DNM2: variants seen among roughly 807,000 people sequenced by gnomAD.
DNM2 encodes the protein dynamin 2.
Under a neutral mutation model 99.0 loss-of-function variants are expected in DNM2, and 15 were observed. That is an observed-to-expected ratio of 0.15 (90% confidence interval 0.10 to 0.23). The LOEUF (loss-of-function observed/expected upper bound fraction) is 0.23. DNM2 is among the 10% of genes least tolerant of loss of function. The pLI is 1.00. For synonymous variants in DNM2, 525 were observed against 481.2 expected, an observed-to-expected ratio of 1.09 and a Z score of -1.19; for missense variants, 742 against 1,189.4, an observed-to-expected ratio of 0.62 and a Z score of 5.53.
chr19:10,786,334 C>T lies in DNM2; in HGVS notation c.850-230C>T, dbSNP rs572821566. 945 of 657,952 alleles carry T rather than the reference C, an allele frequency of 1.4e-3. 1 individual carries two copies. The highest frequency in any genetic ancestry group is 2.0e-3 in the Non-Finnish European group (765 of 379,598). 40.8% of individuals were successfully genotyped at this position (657,952 alleles called of 1,614,324 possible). A position where few individuals can be genotyped will look rare whatever the true frequency, so the allele number is the denominator to read the frequency against. On this transcript the variant is annotated intron_variant, in intron 6 of 20. Coordinates refer to ENST00000389253, the MANE Select transcript of DNM2 (RefSeq NM_001005361.3). ...TAGGCCCAGTGCCTGATGTCGGCCC[C>T]GTGGGCTGTTTGTAGCCTCTTACAC... is the stretch of plus-strand genomic sequence containing the variant.
At chr19:10,741,987 C>G (rs534800949) in intron 1 of DNM2, among the ~76,000 whole-genome samples, 16 of 150,916 alleles carry the variant, frequency 1.1e-4, no homozygotes, top group Admixed American at 1.3e-4. Context: ...TTTCCTCTAC[C>G]CTTCTTTCTT....
At position 10,808,911 on chromosome 19, in the gene DNM2, A is replaced by G. The variant is rs1361698005; in HGVS notation, c.1557+331A>G. 2.3e-5 allele frequency: 7 copies of G among 308,612 alleles called. No individual in the cohort carries two copies. In the Admixed American group the frequency reaches 2.4e-4, roughly 11 times the overall value. 19.1% of individuals were successfully genotyped at this position (308,612 alleles called of 1,614,324 possible). ...CCCCTCACATCCCTGGCTGTGGAAGATCTCGCTTAAGCCAGACCAGAATTC... is the reference window on the plus strand; with the variant it reads ...CCCCTCACATCCCTGGCTGTGGAAGGTCTCGCTTAAGCCAGACCAGAATTC... On this transcript the variant is annotated intron_variant, in intron 14 of 20. Coordinates refer to ENST00000389253, the MANE Select transcript of DNM2 (RefSeq NM_001005361.3).
At chr19:10,733,218 G>T (rs1308301118) in intron 1 of DNM2, among the ~76,000 whole-genome samples, 2 of 142,962 alleles carry the variant, frequency 1.4e-5, no homozygotes, top group South Asian at 2.3e-4. Context: ...TGGAGACAGG[G>T]TCCCACTCTT....
At chr19:10,738,150 T>C (rs1417787836) in intron 1 of DNM2, among the ~76,000 whole-genome samples, 2 of 151,996 alleles carry the variant, frequency 1.3e-5, no homozygotes, top group African/African-American at 4.8e-5. Flanking sequence ...CCCAGCACTT[T>C]GGAAGGCCGA....
chr19:10,740,819 C>G (rs2069718439), intron 1 of DNM2, among the ~76,000 whole-genome samples: 1 of 152,046 alleles, frequency 6.6e-6, no homozygotes, highest in African/African-American at 2.4e-5. Context: ...CTTATGATTT[C>G]TTCTTTGATA....
intron 2 of DNM2, 149 bp downstream of exon 2, chr19:10,759,960 C>A: frequency 8.8e-7 from 1 of 1,139,348 alleles, no homozygotes; most frequent in Non-Finnish European, 1.3e-6. Context: ...AATTGAAAAA[C>A]GGCTCAGTGA....
rs1404051013 is a variant in DNM2 at position 10,772,728 on chromosome 19, C to T, written c.385+100C>T. ...TACTTCCACTCATGGGTATCATGTGCCCATTCACAAACAGTTGATATTCAC... is the reference window on the plus strand; with the variant it reads ...TACTTCCACTCATGGGTATCATGTGTCCATTCACAAACAGTTGATATTCAC... On this transcript the variant is annotated intron_variant, in intron 3 of 20. Coordinates refer to ENST00000389253, the MANE Select transcript of DNM2 (RefSeq NM_001005361.3). The surrounding 1 kb of genome is among the most constrained non-coding windows in gnomAD (Gnocchi z 4.9). 2.6e-6 allele frequency: 4 copies of T among 1,546,798 alleles called. No individual in the cohort carries two copies. Among genetic ancestry groups the T allele is most frequent in the African/African-American group, 1.4e-5 (1 of 73,424 alleles).
chr19:10,753,877 G>A (rs145596482), intron 1 of DNM2, among the ~76,000 whole-genome samples: 144 of 152,088 alleles, frequency 9.5e-4, no homozygotes, highest in African/African-American at 3.3e-3. Flanking sequence ...AGCAGGTCTC[G>A]AACTCCTGAC....
intron 12 of DNM2, among the ~76,000 whole-genome samples, chr19:10,805,710 A>G (rs2072307841): frequency 6.6e-6 from 1 of 152,148 alleles, no homozygotes; most frequent in Admixed American, 6.5e-5. Flanking sequence ...AGGGCCTAGA[A>G]GCCTCAATTG....
At position 10,816,751 on chromosome 19, in the gene DNM2, C is replaced by A. The variant is rs1021399966; in HGVS notation, c.1672-3229C>A. ...GGAATGCCAGGCCTGGGGCAGCGAG[C>A]CTTGGAGGAGCCTCTGGGCCTGAAC... On this transcript the variant is annotated intron_variant, in intron 15 of 20. Coordinates refer to ENST00000389253, the MANE Select transcript of DNM2 (RefSeq NM_001005361.3). The surrounding 1 kb of genome is among the most constrained non-coding windows in gnomAD (Gnocchi z 4.6). 1.3e-5 allele frequency among the ~76,000 whole-genome samples: 2 copies of A among 152,328 alleles called. No homozygotes were observed. The highest frequency in any genetic ancestry group is 4.8e-5 in the African/African-American group (2 of 41,584).
At chr19:10,725,069 A>G (rs1440977619) in intron 1 of DNM2, among the ~76,000 whole-genome samples, 2 of 152,160 alleles carry the variant, frequency 1.3e-5, no homozygotes, top group East Asian at 3.9e-4. Flanking sequence ...CCTTTAACAG[A>G]TCTTATTAGT....
At chr19:10,823,669 C>T in intron 16 of DNM2, 119 bp from the exon 17 acceptor site, 1 of 939,396 alleles carries the variant, frequency 1.1e-6, no homozygotes, top group Non-Finnish European at 1.7e-6. Context: ...CAGGTGAAGC[C>T]TGGGTTGGGT....
chr19:10,726,612 G>T (rs988953889), intron 1 of DNM2, among the ~76,000 whole-genome samples: 4 of 152,270 alleles, frequency 2.6e-5, no homozygotes, highest in African/African-American at 9.6e-5. Flanking sequence ...ACGGTGATGA[G>T]AAATGGGAGA....
chr19:10,826,159 A>C (rs540627633), intron 18 of DNM2, among the ~76,000 whole-genome samples: 19 of 152,176 alleles, frequency 1.2e-4, no homozygotes, highest in Non-Finnish European at 2.4e-4. Context: ...CATCAAGTCC[A>C]CTAACTGGAG....
intron 1 of DNM2, among the ~76,000 whole-genome samples, chr19:10,757,498 C>T (rs1338149333): frequency 1.3e-5 from 2 of 152,174 alleles, no homozygotes; most frequent in Non-Finnish European, 2.9e-5. Flanking sequence ...GGGCCACCTG[C>T]CAGCTGGGAA....
Position 10,765,209 on chromosome 19 carries a change from C to T in DNM2, c.235+5398C>T, listed in dbSNP as rs938212983. 2.4e-4 allele frequency among the ~76,000 whole-genome samples: 37 copies of T among 152,206 alleles called. 1 individual carries two copies. The highest frequency in any genetic ancestry group is 1.8e-4 in the Non-Finnish European group (12 of 68,040). On this transcript the variant is annotated intron_variant, in intron 2 of 20. Transcript: ENST00000389253. The surrounding 1 kb of genome is among the most constrained non-coding windows in gnomAD (Gnocchi z 4.4). The stretch of plus-strand genomic sequence containing the variant: ...TCCTGACCTCGTGATCCGCCCACCT[C>T]GGCCTCCCAAAGTGCTGGGATTACA...
In DNM2 at chr19:10,831,533, CA is replaced by C; in HGVS notation, c.*487del. 1 of 986,874 alleles carries C rather than the reference CA, an allele frequency of 1.0e-6. No homozygotes were observed. Among genetic ancestry groups the C allele is most frequent in the Non-Finnish European group, 1.2e-6 (1 of 830,656 alleles). The allele number at this position is 986,874 out of a possible 1,614,324, so 61.1% of individuals were successfully genotyped here. ...CTGGCCCAGTGGGCTCGGTAGTGCCCAGCTGGCAGGCCTGAGGTGTACATAG... is the reference window on the plus strand; with the variant it reads ...CTGGCCCAGTGGGCTCGGTAGTGCCCGCTGGCAGGCCTGAGGTGTACATAG... On this transcript the variant is annotated 3_prime_UTR_variant, in exon 21 of 21. Coordinates refer to ENST00000389253, the MANE Select transcript of DNM2 (RefSeq NM_001005361.3). The surrounding 1 kb of genome is among the most constrained non-coding windows in gnomAD (Gnocchi z 4.3).
At chr19:10,809,729 C>T (rs1044891457) in intron 14 of DNM2, 8 of 152,568 alleles carry the variant, frequency 5.2e-5, no homozygotes, top group African/African-American at 1.7e-4. Flanking sequence ...CTCCCACTGC[C>T]AGCCACCAAG....
rs778083613 is a variant in DNM2, at chr19:10,830,318, C to T, written c.2483C>T (p.Pro828Leu). Residue 828 changes from proline (P) to leucine (L), a missense_variant, in exon 20 of 21, where the codon CCG (proline) becomes CTG (leucine). Pro to Leu is a moderately conservative substitution (Grantham distance 98). Coordinates refer to ENST00000389253, the MANE Select transcript of DNM2 (RefSeq NM_001005361.3). The surrounding 1 kb of genome is among the most constrained non-coding windows in gnomAD (Gnocchi z 4.8). The part of the protein sequence containing the change: ...VFANSDLFPA[P>L]PQIPSRPVRI... ...GCCAACAGTGACCTCTTCCCAGCCC[C>T]GCCTCAGATCCCATCTCGGCCAGTT... The T allele has an allele frequency of 1.6e-5, 26 of 1,613,532 alleles. No individual in the cohort carries two copies. The highest frequency in any genetic ancestry group is 2.7e-5 in the African/African-American group (2 of 74,910).
Sources: allele counts gnomAD v4.1 joint callset (sites outside exome capture counted in the v4.1 genomes callset), GRCh38; gene constraint gnomAD v4.1.1; non-coding constraint Gnocchi (gnomAD v3.1); transcripts MANE v1.5; gene names NCBI Gene and HGNC (gene_info 2026-07-23, HGNC 2026-07-21).